The following GRIP2 variants were observed in gnomAD, a reference collection of about 807,000 sequenced individuals.
GRIP2 encodes the protein glutamate receptor-interacting protein 2.
Under a neutral mutation model 108.3 loss-of-function variants are expected in GRIP2, and 58 were observed. That is an observed-to-expected ratio of 0.54 (90% confidence interval 0.43 to 0.67). GRIP2 has a LOEUF of 0.67. Ranked by LOEUF, GRIP2 falls within the 30% of genes least tolerant of loss-of-function variation. The pLI is 0.00. For missense variants in GRIP2, 1,278 were observed against 1,430.6 expected (o/e 0.89, Z 1.72); for synonymous variants, 586 against 598.2 (o/e 0.98, Z 0.30).
chr3:14,537,315 G>A (rs564506431), intron 1 of GRIP2, among the ~76,000 whole-genome samples: 7 of 152,224 alleles, frequency 4.6e-5, no homozygotes, highest in East Asian at 3.9e-4. Flanking sequence ...TTCCCCATCC[G>A]CCTGTTGGAA....
chr3:14,540,129 C>T lies in GRIP2; in HGVS notation c.40+140G>A, dbSNP rs945018859. 6 of 1,102,390 alleles carry T rather than the reference C, an allele frequency of 5.4e-6. No homozygotes were observed. Among genetic ancestry groups the T allele is most frequent in the African/African-American group, 3.1e-5 (2 of 63,756 alleles). 68.3% of individuals were successfully genotyped at this position (1,102,390 alleles called of 1,614,324 possible). On this transcript the variant is annotated intron_variant, in intron 1 of 23. Coordinates refer to ENST00000621039, the MANE Select transcript of GRIP2 (RefSeq NM_001080423.4). The surrounding 1 kb of genome is among the most constrained non-coding windows in gnomAD (Gnocchi z 4.1). Reference sequence around the variant, plus strand: ...AGACAGCCCCAGCAAGTGTCCTGCCCCACCCTCCCCAAGCCCTGGGTCTCC... The same window carrying T: ...AGACAGCCCCAGCAAGTGTCCTGCCTCACCCTCCCCAAGCCCTGGGTCTCC...
At chr3:14,595,247 A>G in the GRIP2 span, among the ~76,000 whole-genome samples, 1 of 152,174 alleles carries the variant, frequency 6.6e-6, no homozygotes, top group African/African-American at 2.4e-5. Context: ...AGGCTGGTCT[A>G]GAACTCCTGG....
chr3:14,529,794 G>A (rs11919118), intron 1 of GRIP2, among the ~76,000 whole-genome samples: 28,276 of 151,952 alleles, frequency 0.19, 3,035 homozygotes, highest in East Asian at 0.43. Flanking sequence ...CTGTTTCCTC[G>A]TGTGGTTGGT....
chr3:14,530,912 T>G (rs1431555147), intron 1 of GRIP2: 1 of 152,246 alleles, frequency 6.6e-6, no homozygotes, highest in African/African-American at 2.4e-5. Context: ...AATTACATCA[T>G]TATTGACTAT....
At chr3:14,565,342 C>T in the GRIP2 span, among the ~76,000 whole-genome samples, 2 of 152,208 alleles carry the variant, frequency 1.3e-5, no homozygotes, top group East Asian at 3.8e-4. Context: ...AGGGCTTGAA[C>T]TCAAGTGCTG....
the GRIP2 span, among the ~76,000 whole-genome samples, chr3:14,593,706 C>T: frequency 2.0e-4 from 31 of 152,208 alleles, no homozygotes; most frequent in African/African-American, 6.8e-4. Context: ...TGAGGTTCCT[C>T]GATAGGGATG....
intron 1 of GRIP2, among the ~76,000 whole-genome samples, chr3:14,555,385 TGGGGGC>T (rs72473132): frequency 0.26 from 38,345 of 148,618 alleles, 5,039 homozygotes; most frequent in South Asian, 0.36. Flanking sequence ...TGGGAAGGGG[TGGGGGC>T]GGGGGCGATG....
At chr3:14,535,751 CT>C (rs1694819045) in intron 1 of GRIP2, among the ~76,000 whole-genome samples, 1 of 152,236 alleles carries the variant, frequency 6.6e-6, no homozygotes, top group African/African-American at 2.4e-5. Flanking sequence ...AAGCCCAGGC[CT>C]TCTGGCTCCC....
intron 1 of GRIP2, among the ~76,000 whole-genome samples, chr3:14,527,611 G>A (rs886925351): frequency 5.3e-5 from 8 of 152,178 alleles, no homozygotes; most frequent in South Asian, 2.1e-4. Flanking sequence ...CATTTAGACC[G>A]GGGGATGGTG....
the GRIP2 span, among the ~76,000 whole-genome samples, chr3:14,577,607 C>T: frequency 6.6e-6 from 1 of 152,198 alleles, no homozygotes; most frequent in African/African-American, 2.4e-5. Flanking sequence ...CATTCAATTG[C>T]TCAGGACAGC....
Position 14,492,134 on chromosome 3 carries a change from C to G in GRIP2, c.*1531G>C, listed in dbSNP as rs928391969. ...GGCCTGTGTCTGCTCAGACTGTCCA[C>G]CCGTGATCGTCCAGAGGGGCTGGGG... On this transcript the variant is annotated 3_prime_UTR_variant, in exon 24 of 24. Coordinates refer to ENST00000621039, the MANE Select transcript of GRIP2 (RefSeq NM_001080423.4). 1 of 152,478 alleles carries G rather than the reference C, an allele frequency of 6.6e-6. No individual in the cohort carries two copies. The highest frequency in any genetic ancestry group is 2.4e-5 in the African/African-American group (1 of 41,468). 9.4% of individuals were successfully genotyped at this position (152,478 alleles called of 1,614,324 possible).
Position 14,491,001 on chromosome 3 carries a change from G to C in GRIP2, c.*2664C>G, listed in dbSNP as rs76221136. 4,597 of 152,312 alleles carry C rather than the reference G, an allele frequency of 0.03. 69 individuals are homozygous for C. Among genetic ancestry groups the C allele is most frequent in the South Asian group, 0.06 (288 of 4,824 alleles). 9.4% of individuals were successfully genotyped at this position (152,312 alleles called of 1,614,324 possible). ...GCCTGCCACCAGAATGTGCAGACAT[G>C]ACCTAAATCTGTCTGATTCATGTTG... On this transcript the variant is annotated 3_prime_UTR_variant, in exon 24 of 24. Transcript: ENST00000621039.
chr3:14,493,900 G>A, intron 23 of GRIP2, 74 bp from the exon 24 acceptor site: 1 of 1,513,238 alleles, frequency 6.6e-7, no homozygotes, highest in Non-Finnish European at 9.0e-7. Context: ...AGAGGCATGT[G>A]ATGTCCTAAA....
chr3:14,561,461 G>C, the GRIP2 span, among the ~76,000 whole-genome samples: 1 of 152,274 alleles, frequency 6.6e-6, no homozygotes, highest in African/African-American at 2.4e-5. Flanking sequence ...GTTGTCAAAG[G>C]TCACACAGCC....
intron 1 of GRIP2, among the ~76,000 whole-genome samples, chr3:14,550,672 T>TA (rs1471315289): frequency 6.6e-6 from 1 of 152,144 alleles, no homozygotes; most frequent in African/African-American, 2.4e-5. Flanking sequence ...CTTGCGGTCT[T>TA]TAGGGGCTGC....
At chr3:14,595,475 T>C in the GRIP2 span, among the ~76,000 whole-genome samples, 2 of 152,300 alleles carry the variant, frequency 1.3e-5, no homozygotes, top group Admixed American at 1.3e-4. Flanking sequence ...TCCTCCATTT[T>C]TAAAAATTAG....
At chr3:14,552,156 G>C (rs1489165013) in intron 1 of GRIP2, among the ~76,000 whole-genome samples, 2 of 152,232 alleles carry the variant, frequency 1.3e-5, no homozygotes, top group Non-Finnish European at 2.9e-5. Flanking sequence ...AGGCTCAGGA[G>C]TGGCGCACTG....
At chr3:14,578,847 G>GTT in the GRIP2 span, among the ~76,000 whole-genome samples, 7,548 of 147,264 alleles carry the variant, frequency 0.051, 589 homozygotes, top group African/African-American at 0.16. Flanking sequence ...CAGGCCAGCT[G>GTT]TTTTTTTTTT....
the GRIP2 span, among the ~76,000 whole-genome samples, chr3:14,580,898 TA>T: frequency 1.3e-5 from 2 of 152,192 alleles, no homozygotes; most frequent in Non-Finnish European, 2.9e-5. Flanking sequence ...GTAGTGAAAT[TA>T]AGAGCAAAGA....
Sources: gnomAD v4.1 joint callset for allele counts (sites outside exome capture counted in the v4.1 genomes callset) on GRCh38, gnomAD v4.1.1 for gene constraint, Gnocchi (gnomAD v3.1) non-coding constraint, MANE v1.5 for transcripts, NCBI Gene and HGNC (gene_info 2026-07-23, HGNC 2026-07-21) for gene names.